Variants in PTPRR observed in about 807,000 individuals in gnomAD.
PTPRR encodes the protein protein tyrosine phosphatase receptor type R, also known as receptor-type tyrosine-protein phosphatase R.
A neutral mutation model predicts 77.2 loss-of-function variants in PTPRR; 38 were observed. That is an observed-to-expected ratio of 0.49 (90% confidence interval 0.38 to 0.65). PTPRR has a LOEUF of 0.65. PTPRR is among the 30% of genes least tolerant of loss of function. The pLI is 0.00. For synonymous variants in PTPRR, 299 were observed against 283.1 expected, an observed-to-expected ratio of 1.06 and a Z score of -0.57; for missense variants, 744 against 799.2, an observed-to-expected ratio of 0.93 and a Z score of 0.83.
intron 1 of PTPRR, chr12:70,907,145 T>G (rs1337596201): frequency 6.6e-6 from 1 of 152,206 alleles, no homozygotes; most frequent in Non-Finnish European, 1.5e-5. Flanking sequence ...TCTTTAATAT[T>G]ATTTAAACTC....
chr12:70,640,809 G>A (rs1283154704), intron 13 of PTPRR, among the ~76,000 whole-genome samples: 1 of 152,162 alleles, frequency 6.6e-6, no homozygotes, highest in East Asian at 1.9e-4. Context: ...CAATATTAGA[G>A]CAGTAAAACT....
At chr12:70,650,212 GCAGGTGGATCACCTGAGGT>G (rs1886343786) in intron 13 of PTPRR, among the ~76,000 whole-genome samples, 1 of 152,122 alleles carries the variant, frequency 6.6e-6, no homozygotes, top group Non-Finnish European at 1.5e-5. Flanking sequence ...GCAGCCCGAG[GCAGGTGGATCACCTGAGGT>G]CAGGAGTTCG....
chr12:70,908,191 TA>T (rs1462539489), intron 1 of PTPRR, among the ~76,000 whole-genome samples: 2 of 150,420 alleles, frequency 1.3e-5, no homozygotes, highest in African/African-American at 2.5e-5. Context: ...GGAATTATAT[TA>T]AAACATAGCA....
At chr12:70,703,420 C>T in intron 6 of PTPRR, among the ~76,000 whole-genome samples, 1 of 152,060 alleles carries the variant, frequency 6.6e-6, no homozygotes, top group African/African-American at 2.4e-5. Flanking sequence ...ATATTTTTCC[C>T]ACTCCACTTT....
chr12:70,667,377 A>C (rs908419181), intron 10 of PTPRR, among the ~76,000 whole-genome samples: 2 of 152,178 alleles, frequency 1.3e-5, no homozygotes, highest in Non-Finnish European at 2.9e-5. Context: ...GAATATATGC[A>C]TGCCTGGAAG....
intron 6 of PTPRR, among the ~76,000 whole-genome samples, chr12:70,722,964 G>A (rs1286089326): frequency 6.6e-6 from 1 of 152,172 alleles, no homozygotes; most frequent in Non-Finnish European, 1.5e-5. Context: ...TTTATATTTA[G>A]TGCCTACAAG....
intron 1 of PTPRR, among the ~76,000 whole-genome samples, chr12:70,904,623 A>AATCT (rs1297267882): frequency 6.6e-6 from 1 of 151,904 alleles, no homozygotes; most frequent in Non-Finnish European, 1.5e-5. Flanking sequence ...TGATGACATG[A>AATCT]ATCTATACAT....
At chr12:70,914,781 C>A (rs1893750439) in intron 1 of PTPRR, among the ~76,000 whole-genome samples, 1 of 152,072 alleles carries the variant, frequency 6.6e-6, no homozygotes. Flanking sequence ...CATGATTGCA[C>A]CACTGCACTC....
intron 2 of PTPRR, among the ~76,000 whole-genome samples, chr12:70,843,435 A>T (rs1174794986): frequency 6.6e-6 from 1 of 152,208 alleles, no homozygotes; most frequent in African/African-American, 2.4e-5. Context: ...GAACATAAAC[A>T]TCTTAAATTA....
At chr12:70,875,991 A>T (rs1893045263) in intron 2 of PTPRR, among the ~76,000 whole-genome samples, 1 of 152,194 alleles carries the variant, frequency 6.6e-6, no homozygotes, top group African/African-American at 2.4e-5. Context: ...GTCAGCAAAA[A>T]TTAAAAAGAA....
chr12:70,824,709 A>C (rs965920435), intron 2 of PTPRR, among the ~76,000 whole-genome samples: 3 of 152,044 alleles, frequency 2.0e-5, no homozygotes, highest in Admixed American at 2.0e-4. Flanking sequence ...AGTGCTAGAG[A>C]GCAAATATTT....
chr12:70,678,222 G>C (rs1445978233), intron 10 of PTPRR, among the ~76,000 whole-genome samples: 1 of 152,140 alleles, frequency 6.6e-6, no homozygotes, highest in Non-Finnish European at 1.5e-5. Flanking sequence ...TGTATTTTTA[G>C]TAGAGACAGG....
intron 2 of PTPRR, among the ~76,000 whole-genome samples, chr12:70,791,763 T>C (rs910757834): frequency 1.3e-5 from 2 of 152,324 alleles, no homozygotes; most frequent in South Asian, 2.1e-4. Flanking sequence ...GATGTAATGG[T>C]TTTTTAAGAT....
Position 70,783,854 on chromosome 12 carries a change from T to G in PTPRR, c.358-19076A>C, listed in dbSNP as rs78254905. On this transcript the variant is annotated intron_variant, in intron 2 of 13. Transcript: ENST00000283228. The stretch of plus-strand genomic sequence containing the variant: ...AAAGTCTGGAGGGTCTAAGGCTGTG[T>G]GGGGGGGACGGGGGGGGGGGGCGGG... Among the ~76,000 whole-genome samples the G allele has an allele frequency of 0.01, 48 of 4,750 alleles. 2 individuals carry two copies. In the East Asian group the frequency reaches 0.12, roughly 12 times the overall value. 3.1% of individuals were successfully genotyped at this position (4,750 alleles called of 152,430 possible).
At chr12:70,727,860 G>C (rs1889499428) in intron 6 of PTPRR, among the ~76,000 whole-genome samples, 1 of 152,184 alleles carries the variant, frequency 6.6e-6, no homozygotes, top group Non-Finnish European at 1.5e-5. Context: ...CAGACTGTCT[G>C]AGTAAACAAC....
intron 2 of PTPRR, among the ~76,000 whole-genome samples, chr12:70,865,061 C>T (rs144689762): frequency 0.034 from 5,142 of 152,284 alleles, 131 homozygotes; most frequent in Middle Eastern, 0.071. Flanking sequence ...GATCCGCCCG[C>T]CTTGGCCTCC....
At chr12:70,818,795 A>G (rs1012456751) in intron 2 of PTPRR, among the ~76,000 whole-genome samples, 4 of 151,516 alleles carry the variant, frequency 2.6e-5, no homozygotes, top group African/African-American at 9.8e-5. Flanking sequence ...GAAATAAATA[A>G]TGATTTAAAA....
chr12:70,722,863 T>A (rs905206526), intron 6 of PTPRR, among the ~76,000 whole-genome samples: 1 of 152,196 alleles, frequency 6.6e-6, no homozygotes, highest in Non-Finnish European at 1.5e-5. Flanking sequence ...ATTGAACAGA[T>A]GTTTCATTAC....
intron 1 of PTPRR, among the ~76,000 whole-genome samples, chr12:70,909,919 T>G (rs527705196): frequency 5.9e-5 from 9 of 152,306 alleles, no homozygotes; most frequent in African/African-American, 2.2e-4. Flanking sequence ...GGATTTAGTT[T>G]CTTCAACATG....
Sources: gnomAD v4.1 joint callset for allele counts (sites outside exome capture counted in the v4.1 genomes callset) on GRCh38, gnomAD v4.1.1 for gene constraint, MANE v1.5 for transcripts, NCBI Gene and HGNC (gene_info 2026-07-23, HGNC 2026-07-21) for gene names.